The following ADAMTSL1 variants were observed in gnomAD, a reference collection of about 807,000 sequenced individuals.
ADAMTSL1 encodes ADAMTS like 1.
A neutral mutation model predicts 201.8 loss-of-function variants in ADAMTSL1; 126 were observed. The observed-to-expected ratio is 0.62, with a 90% CI of 0.54 to 0.72. The LOEUF is 0.72. Among genes scored for constraint, ADAMTSL1 ranks in the 30% least tolerant of loss-of-function variants. The pLI is 0.00. For missense variants in ADAMTSL1, 2,679 were observed against 2,277.8 expected (o/e 1.18, Z -3.59); for synonymous variants, 1,121 against 903.4 (o/e 1.24, Z -4.32).
At chr9:18,152,551 T>G (rs1314837518) in intron 1 of ADAMTSL1, among the ~76,000 whole-genome samples, 2 of 151,904 alleles carry the variant, frequency 1.3e-5, no homozygotes, top group Non-Finnish European at 2.9e-5. Flanking sequence ...GTTTGTTGGG[T>G]TGGAGGCCCA....
At chr9:18,188,522 G>A (rs1164353631) in intron 2 of ADAMTSL1, among the ~76,000 whole-genome samples, 4 of 152,094 alleles carry the variant, frequency 2.6e-5, no homozygotes, top group Non-Finnish European at 5.9e-5. Context: ...AGATGAGAAA[G>A]GATGCAAATA....
intron 2 of ADAMTSL1, among the ~76,000 whole-genome samples, chr9:18,416,028 C>T (rs1211581702): frequency 2.0e-5 from 3 of 151,926 alleles, no homozygotes; most frequent in South Asian, 2.1e-4. Flanking sequence ...ACTAGCAGAC[C>T]TGTACTACAA....
intron 2 of ADAMTSL1, among the ~76,000 whole-genome samples, chr9:18,304,326 A>G (rs1235830322): frequency 6.0e-5 from 9 of 151,156 alleles, no homozygotes; most frequent in African/African-American, 2.2e-4. Flanking sequence ...AGGGGCCTCA[A>G]GGAATAGAGT....
At chr9:18,575,883 C>G (rs912335079) in intron 4 of ADAMTSL1, among the ~76,000 whole-genome samples, 1 of 152,156 alleles carries the variant, frequency 6.6e-6, no homozygotes, top group Admixed American at 6.5e-5. Flanking sequence ...GACAGCTCAG[C>G]AAATTAGGTT....
intron 23 of ADAMTSL1, among the ~76,000 whole-genome samples, chr9:18,863,654 G>C (rs941126262): frequency 1.3e-5 from 2 of 152,142 alleles, no homozygotes; most frequent in African/African-American, 4.8e-5. Context: ...CTCTCAGCCA[G>C]CTGCTTGGTG....
chr9:18,316,029 G>A (rs1224604683), intron 2 of ADAMTSL1, among the ~76,000 whole-genome samples: 11 of 152,136 alleles, frequency 7.2e-5, no homozygotes, highest in East Asian at 5.8e-4. Flanking sequence ...GCTGGGCGTC[G>A]GGGGAGACAT....
At chr9:18,371,113 A>G (rs1414138188) in intron 2 of ADAMTSL1, among the ~76,000 whole-genome samples, 2 of 152,212 alleles carry the variant, frequency 1.3e-5, no homozygotes, top group East Asian at 3.8e-4. Flanking sequence ...TTTAAGTAAT[A>G]CATGGATTCA....
At chr9:17,978,763 C>T (rs962459345) in intron 1 of ADAMTSL1, among the ~76,000 whole-genome samples, 3 of 151,412 alleles carry the variant, frequency 2.0e-5, no homozygotes, top group African/African-American at 4.8e-5. Context: ...CTTACCTTTA[C>T]CATTGATTTT....
At chr9:18,155,822 C>G (rs980634325) in intron 1 of ADAMTSL1, among the ~76,000 whole-genome samples, 8 of 151,974 alleles carry the variant, frequency 5.3e-5, no homozygotes, top group African/African-American at 1.7e-4. Flanking sequence ...TCCAATAGTA[C>G]TTGGGTCAAA....
intron 2 of ADAMTSL1, among the ~76,000 whole-genome samples, chr9:18,406,923 G>T (rs182239234): frequency 9.2e-5 from 14 of 152,254 alleles, no homozygotes; most frequent in Admixed American, 7.2e-4. Flanking sequence ...TCTCAAGGAG[G>T]TTGTGAGAAT....
At chr9:18,172,215 G>A (rs999822378) in intron 2 of ADAMTSL1, among the ~76,000 whole-genome samples, 8 of 151,860 alleles carry the variant, frequency 5.3e-5, no homozygotes, top group Non-Finnish European at 8.8e-5. Context: ...ACCATGGCAC[G>A]TGTATACCTA....
At chr9:18,104,302 C>T (rs1246336398) in intron 1 of ADAMTSL1, among the ~76,000 whole-genome samples, 1 of 152,194 alleles carries the variant, frequency 6.6e-6, no homozygotes, top group Non-Finnish European at 1.5e-5. Flanking sequence ...TTACTGCATG[C>T]TTCCCTTCCA....
At chr9:18,120,396 C>T (rs1825446477) in intron 1 of ADAMTSL1, among the ~76,000 whole-genome samples, 1 of 152,136 alleles carries the variant, frequency 6.6e-6, no homozygotes, top group Non-Finnish European at 1.5e-5. Flanking sequence ...ACACACCATT[C>T]CTGGTACAAT....
chr9:18,328,367 T>C (rs1269776602), intron 2 of ADAMTSL1, among the ~76,000 whole-genome samples: 1 of 152,258 alleles, frequency 6.6e-6, no homozygotes, highest in Non-Finnish European at 1.5e-5. Context: ...CTATATTCAA[T>C]GTCCCTGAGG....
intron 19 of ADAMTSL1, among the ~76,000 whole-genome samples, chr9:18,781,735 C>G (rs1588099871): frequency 6.6e-6 from 1 of 152,196 alleles, no homozygotes; most frequent in Non-Finnish European, 1.5e-5. Context: ...AATCTACCTT[C>G]TGAGCATCTG....
At position 17,926,411 on chromosome 9, in the gene ADAMTSL1, G is replaced by T. The variant is rs562052316; in HGVS notation, c.87+19489G>T. Among the ~76,000 whole-genome samples the T allele has an allele frequency of 7.0e-4, 106 of 152,260 alleles. 1 individual carries two copies. In the South Asian group the frequency reaches 0.021, roughly 30 times the overall value. On this transcript the variant is annotated intron_variant, in intron 1 of 29. Transcript: ENST00000680146. ...ATTTCACCACTCGGCCACATCACCA[G>T]TGTGGATCGTCAGGAACGCTTGGCT...
At chr9:18,020,083 C>T (rs113680253) in intron 1 of ADAMTSL1, among the ~76,000 whole-genome samples, 22 of 152,060 alleles carry the variant, frequency 1.4e-4, no homozygotes, top group African/African-American at 4.3e-4. Flanking sequence ...GTTTAGTTTC[C>T]GAAGTCTACA....
At chr9:18,699,145 T>C (rs888954409) in intron 13 of ADAMTSL1, among the ~76,000 whole-genome samples, 15 of 152,168 alleles carry the variant, frequency 9.9e-5, no homozygotes, top group African/African-American at 3.6e-4. Context: ...ATTTTGTTTT[T>C]TAACCCAACT....
rs72688627 is a variant in ADAMTSL1, at chr9:18,578,514, A to T, written c.474+4248A>T. Reference sequence around the variant, plus strand: ...GTTAAAGACAAGAGGCTCTGGAATCATACCATCTAGGTTGGAATCTAAGCT... The same window carrying T: ...GTTAAAGACAAGAGGCTCTGGAATCTTACCATCTAGGTTGGAATCTAAGCT... On this transcript the variant is annotated intron_variant, in intron 4 of 28. Coordinates refer to ENST00000380548, the MANE Select transcript of ADAMTSL1 (RefSeq NM_001040272.6). Among the ~76,000 whole-genome samples the T allele has an allele frequency of 3.7e-3, 569 of 152,244 alleles. 9 individuals are homozygous for T. The highest frequency in any genetic ancestry group is 1.9e-3 in the East Asian group (10 of 5,184).
Sources: allele counts gnomAD v4.1 joint callset (sites outside exome capture counted in the v4.1 genomes callset), GRCh38; gene constraint gnomAD v4.1.1; transcripts MANE v1.5; gene names NCBI Gene and HGNC (gene_info 2026-07-23, HGNC 2026-07-21).